Variants in FSIP2 observed in about 807,000 individuals in gnomAD.
FSIP2 encodes the protein fibrous sheath-interacting protein 2.
A neutral mutation model predicts 510.5 loss-of-function variants in FSIP2; 367 were observed. The observed-to-expected ratio is 0.72, with a 90% confidence interval of 0.66 to 0.78. FSIP2 has a LOEUF of 0.78. Among genes scored for constraint, FSIP2 ranks in the 30% least tolerant of loss-of-function variants. The probability of loss-of-function intolerance (pLI) is 0.00; values close to 1 mark genes in which losing one functional copy is unlikely to be tolerated. For missense variants in FSIP2, 7,594 were observed against 7,901.7 expected (o/e 0.96, Z 1.48); for synonymous variants, 2,601 against 2,732.2 (o/e 0.95, Z 1.50).
chr2:185,756,414 G>T (rs1020411664), intron 9 of FSIP2, 136 bp downstream of exon 9: 10 of 409,608 alleles, frequency 2.4e-5, no homozygotes, highest in Non-Finnish European at 8.8e-6. Context: ...TTTGAGTGAC[G>T]CTTATCAAGA....
At chr2:185,758,819 T>A (rs1256551289) in intron 9 of FSIP2, among the ~76,000 whole-genome samples, 1 of 151,310 alleles carries the variant, frequency 6.6e-6, no homozygotes, top group African/African-American at 2.4e-5. Context: ...TCTATTGATG[T>A]ATTTATCTGT....
chr2:185,823,155 T>G (rs1693955284), intron 19 of FSIP2, among the ~76,000 whole-genome samples: 1 of 151,912 alleles, frequency 6.6e-6, no homozygotes, highest in African/African-American at 2.4e-5. Flanking sequence ...TAAAAATTTT[T>G]TTTGTTCTTG....
Position 185,802,374 on chromosome 2 carries a change from T to C in FSIP2, c.13068T>C (p.Asp4356=). Residue 4356 remains aspartate, a synonymous_variant, in exon 17 of 23, where the codon GAT becomes GAC. Coordinates refer to ENST00000424728, the MANE Select transcript of FSIP2 (RefSeq NM_173651.4). ...AAGCTAAAATTCACATTCTCTATGATGACAAAGAACAGGCTTTCTTTTCTT... is the reference window on the plus strand; with the variant it reads ...AAGCTAAAATTCACATTCTCTATGACGACAAAGAACAGGCTTTCTTTTCTT... ...FNKAKIHILY[D]DKEQAFFSFN... is the part of the protein sequence containing the mutation. 1.3e-6 allele frequency: 2 copies of C among 1,532,790 alleles called. No individual in the cohort carries two copies. The highest frequency in any genetic ancestry group is 1.7e-6 in the Non-Finnish European group (2 of 1,145,046). 94.9% of individuals were successfully genotyped at this position (1,532,790 alleles called of 1,614,324 possible).
intron 18 of FSIP2, among the ~76,000 whole-genome samples, chr2:185,814,625 A>G (rs1292401521): frequency 2.0e-5 from 3 of 152,050 alleles, no homozygotes; most frequent in African/African-American, 4.8e-5. Flanking sequence ...GATGGCTCCA[A>G]ATTCTCAAAT....
chr2:185,805,489 C>G lies in FSIP2; in HGVS notation c.16183C>G (p.Gln5395Glu). The change falls in exon 17 of 23, where the codon CAA becomes GAA. Residue 5395 changes from glutamine to glutamate, a missense_variant. Transcript: ENST00000424728. ...GAAGGCAATATCTGCATTCAGGATT[C>G]AACCACTTTTTTCAGGAGACTGGTC... Reference protein sequence around the residue: ...TQKAISAFRIQPLFSGDWSST... With the variant: ...TQKAISAFRIEPLFSGDWSST... 6.2e-7 allele frequency: 1 copy of G among 1,611,642 alleles called. No individual in the cohort carries two copies. The highest frequency in any genetic ancestry group is 8.5e-7 in the Non-Finnish European group (1 of 1,178,434).
Position 185,828,121 on chromosome 2 carries a change from A to G in FSIP2, c.20474-35A>G, listed in dbSNP as rs1197438473. 2.5e-6 allele frequency: 3 copies of G among 1,206,100 alleles called. No individual in the cohort carries two copies. The South Asian group carries it at 3.8e-5, about 15-fold the overall frequency. The allele number at this position is 1,206,100 out of a possible 1,614,324, so 74.7% of individuals were successfully genotyped here. A position where few individuals can be genotyped will look rare whatever the true frequency, so the allele number is the denominator to read the frequency against. On this transcript the variant is annotated intron_variant, in intron 20 of 22. Transcript: ENST00000424728. ...CAACAAATATACATGCCTCAGAAAGAGACTATTTTACTTTTTTTTTTTTAA... is the reference window on the plus strand; with the variant it reads ...CAACAAATATACATGCCTCAGAAAGGGACTATTTTACTTTTTTTTTTTTAA...
chr2:185,738,786 G>A (rs916412157), upstream of FSIP2: 4 of 1,535,884 alleles, frequency 2.6e-6, no homozygotes, highest in African/African-American at 4.1e-5. Flanking sequence ...GCGGGGCTGA[G>A]GTCGTTGGGC....
chr2:185,766,962 T>C (rs1692499626), intron 13 of FSIP2, among the ~76,000 whole-genome samples: 5 of 117,504 alleles, frequency 4.3e-5, no homozygotes, highest in Admixed American at 8.9e-5. Context: ...ATGTGGCACA[T>C]ATACACCATG....
chr2:185,764,359 G>T (rs1407867614), intron 12 of FSIP2, 143 bp from the exon 13 acceptor site: 2 of 516,828 alleles, frequency 3.9e-6, no homozygotes, highest in Non-Finnish European at 6.8e-6. Context: ...TAATAAAAAC[G>T]TGCATTTCTT....
chr2:185,781,932 G>T (rs1275474196), intron 13 of FSIP2, among the ~76,000 whole-genome samples: 1 of 151,850 alleles, frequency 6.6e-6, no homozygotes, highest in African/African-American at 2.4e-5. Context: ...CCGCCTCCCA[G>T]GTTCACGCCA....
intron 13 of FSIP2, chr2:185,765,781 G>A (rs1008253744): frequency 1.1e-4 from 17 of 152,012 alleles, no homozygotes; most frequent in African/African-American, 3.9e-4. Context: ...CATGAGCATG[G>A]AATGTTCTTC....
chr2:185,815,323 T>A, intron 18 of FSIP2, 48 bp from the exon 19 acceptor site: 1 of 860,388 alleles, frequency 1.2e-6, no homozygotes, highest in East Asian at 2.5e-5. Flanking sequence ...GGTAAGAAAA[T>A]ATATCCCAAA....
chr2:185,738,424 G>A (rs1691830533), upstream of FSIP2: 1 of 607,026 alleles, frequency 1.6e-6, no homozygotes, highest in South Asian at 2.0e-5. Flanking sequence ...TTGTGGACCT[G>A]GTGTGGGAAG....
Position 185,805,905 on chromosome 2 carries a change from T to C in FSIP2, c.16599T>C (p.Ser5533=), listed in dbSNP as rs200650368. 172 of 1,602,552 alleles carry C rather than the reference T, an allele frequency of 1.1e-4. No individual in the cohort carries two copies. The highest frequency in any genetic ancestry group is 6.5e-5 in the Non-Finnish European group (77 of 1,176,148). ...NKVGICTQKH[S]ENVSKVTSTT... ...TGGGAATTTGTACTCAAAAACATAGTGAGAATGTATCAAAAGTTACTTCAA... is the reference window on the plus strand; with the variant it reads ...TGGGAATTTGTACTCAAAAACATAGCGAGAATGTATCAAAAGTTACTTCAA... The change falls in exon 17 of 23, where the codon AGT becomes AGC. Residue 5533 remains serine, a synonymous_variant. Transcript: ENST00000424728.
chr2:185,773,938 T>C (rs955406149), intron 13 of FSIP2, among the ~76,000 whole-genome samples: 1 of 152,212 alleles, frequency 6.6e-6, no homozygotes, highest in African/African-American at 2.4e-5. Context: ...TTAAGGCTTA[T>C]ATGTAAATGC....
chr2:185,760,366 G>A (rs1217867195), intron 9 of FSIP2, among the ~76,000 whole-genome samples: 1 of 149,162 alleles, frequency 6.7e-6, no homozygotes, highest in Admixed American at 6.7e-5. Context: ...TATTTACCAT[G>A]TGACCAGTCA....
At chr2:185,817,475 C>T (rs1363318790) in intron 19 of FSIP2, among the ~76,000 whole-genome samples, 1 of 151,892 alleles carries the variant, frequency 6.6e-6, no homozygotes, top group Non-Finnish European at 1.5e-5. Context: ...AAAAGCAGCT[C>T]AGAAAAACTG....
At position 185,806,588 on chromosome 2, in the gene FSIP2, T is replaced by C. The variant is rs1333056038; in HGVS notation, c.17282T>C (p.Ile5761Thr). The change falls in exon 17 of 23, where the codon ATT becomes ACT. Residue 5761 changes from isoleucine to threonine, a missense_variant. Transcript: ENST00000424728. The stretch of plus-strand genomic sequence containing the variant: ...GAAAAAGAGAAAGTAAGAGAGGAGA[T>C]TAAAAGTGAACCCAGTAAACCAGAT... ...EREKEKVREE[I>T]KSEPSKPDDP... 2 of 1,607,210 alleles carry C rather than the reference T, an allele frequency of 1.2e-6. No individual in the cohort carries two copies. Among genetic ancestry groups the C allele is most frequent in the Admixed American group, 3.4e-5 (2 of 58,614 alleles).
In FSIP2 at chr2:185,794,146, T is replaced by C. The variant is rs1056202838; in HGVS notation, c.7010T>C (p.Leu2337Pro). ...ACTTTTGTTGGTCGCAGAGAAAAAC[T>C]TGGATCCACAATTCACCTATCGCAA... ...DFTFVGRREK[L>P]GSTIHLSQAR... The change falls in exon 16 of 23, where the codon CTT becomes CCT. Residue 2337 changes from leucine (L) to proline (P), a missense_variant. Transcript: ENST00000424728. The C allele has an allele frequency of 7.8e-6, 12 of 1,533,070 alleles. No homozygotes were observed. Among genetic ancestry groups the C allele is most frequent in the Admixed American group, 5.9e-5 (3 of 50,700 alleles). 95.0% of individuals were successfully genotyped at this position (1,533,070 alleles called of 1,614,324 possible). A position where few individuals can be genotyped will look rare whatever the true frequency, so the allele number is the denominator to read the frequency against.
Sources: allele counts gnomAD v4.1 joint callset (sites outside exome capture counted in the v4.1 genomes callset), GRCh38; gene constraint gnomAD v4.1.1; transcripts MANE v1.5; gene names NCBI Gene and HGNC (gene_info 2026-07-23, HGNC 2026-07-21).